Variants in TMEM87A observed in about 807,000 individuals in gnomAD.
The protein encoded by TMEM87A is transmembrane protein 87A, also known as Golgi-pH regulating cation channel.
TMEM87A carries 50 observed loss-of-function variants against 90.0 expected under a neutral mutation model. That is an observed-to-expected ratio of 0.56 (90% CI 0.44 to 0.70). The LOEUF (loss-of-function observed/expected upper bound fraction) is 0.70. Ranked by LOEUF, TMEM87A falls within the 30% of genes least tolerant of loss-of-function variation. The pLI is 0.00. For missense variants in TMEM87A, 577 were observed against 660.5 expected, an observed-to-expected ratio of 0.87 and a Z score of 1.39; for synonymous variants, 226 against 226.7, an observed-to-expected ratio of 1.00 and a Z score of 0.03.
In TMEM87A at chr15:42,264,112, C is replaced by A; in HGVS notation, c.383G>T (p.Cys128Phe). Reference sequence around the variant, plus strand: ...TACCTGTGTTTTAAAGAGTTCACTGCAGTTCTGGAACAATTTTGATGATGT... The same window carrying A: ...TACCTGTGTTTTAAAGAGTTCACTGAAGTTCTGGAACAATTTTGATGATGT... Reference protein sequence around the residue: ...YQTSSKLFQNCSELFKTQTFS... With the variant: ...YQTSSKLFQNFSELFKTQTFS... The change falls in exon 4 of 20, where the codon TGC (cysteine) becomes TTC (phenylalanine). Residue 128 changes from cysteine to phenylalanine, a missense_variant. Coordinates refer to ENST00000389834, the MANE Select transcript of TMEM87A (RefSeq NM_015497.5). 6.2e-7 allele frequency: 1 copy of A among 1,613,142 alleles called. No homozygotes were observed. Among genetic ancestry groups the A allele is most frequent in the Non-Finnish European group, 8.5e-7 (1 of 1,179,552 alleles).
chr15:42,218,478 G>C, intron 17 of TMEM87A, 100 bp from the exon 18 acceptor site: 2 of 1,114,150 alleles, frequency 1.8e-6, no homozygotes, highest in Non-Finnish European at 2.6e-6. Flanking sequence ...TAATTCTGTA[G>C]TCATACATTC....
intron 4 of TMEM87A, among the ~76,000 whole-genome samples, chr15:42,263,837 T>C (rs574545671): frequency 6.6e-6 from 1 of 152,320 alleles, no homozygotes; most frequent in East Asian, 1.9e-4. Context: ...TAGAAATGGT[T>C]AAAATGGTAA....
chr15:42,269,803 GC>G (rs879460838), intron 2 of TMEM87A, among the ~76,000 whole-genome samples: 2 of 147,518 alleles, frequency 1.4e-5, no homozygotes, highest in Non-Finnish European at 3.0e-5. Context: ...GGGCGCGGTG[GC>G]GGGCGCCTGT....
At chr15:42,229,459 A>G (rs1397372067) in intron 12 of TMEM87A, among the ~76,000 whole-genome samples, 1 of 152,070 alleles carries the variant, frequency 6.6e-6, no homozygotes, top group East Asian at 1.9e-4. Flanking sequence ...GAGAAATGGC[A>G]GAAGATAAAG....
At chr15:42,254,974 T>C (rs1384004232) in intron 6 of TMEM87A, among the ~76,000 whole-genome samples, 2 of 151,588 alleles carry the variant, frequency 1.3e-5, no homozygotes, top group African/African-American at 4.8e-5. Context: ...CTTTTTTTTT[T>C]TTTTTTTTGA....
chr15:42,269,753 G>C (rs1034817492), intron 2 of TMEM87A, among the ~76,000 whole-genome samples: 3 of 150,222 alleles, frequency 2.0e-5, no homozygotes, highest in Non-Finnish European at 3.0e-5. Context: ...TGGCTAACAA[G>C]GTGAAACCCC....
intron 7 of TMEM87A, among the ~76,000 whole-genome samples, chr15:42,240,815 A>G (rs2050854330): frequency 6.6e-6 from 1 of 152,248 alleles, no homozygotes; most frequent in African/African-American, 2.4e-5. Flanking sequence ...TGAAAAAAAG[A>G]GCATTCCATA....
At chr15:42,227,849 T>C (rs550001050) in intron 13 of TMEM87A, 80 bp from the exon 14 acceptor site, 1 of 1,316,766 alleles carries the variant, frequency 7.6e-7, no homozygotes, top group East Asian at 2.3e-5. Flanking sequence ...TCCGGTTAAG[T>C]GGAATCCCAC....
At chr15:42,237,361 G>T in intron 9 of TMEM87A, 71 bp downstream of exon 9, 1 of 1,493,188 alleles carries the variant, frequency 6.7e-7, no homozygotes, top group South Asian at 1.2e-5. Flanking sequence ...AGTGACTGCT[G>T]ACCTTAGGAA....
intron 6 of TMEM87A, among the ~76,000 whole-genome samples, chr15:42,248,257 A>G: frequency 6.6e-6 from 1 of 152,096 alleles, no homozygotes. Flanking sequence ...CTCTTTTCCT[A>G]ATTGAATACA....
intron 11 of TMEM87A, 70 bp from the exon 12 acceptor site, chr15:42,231,330 G>A: frequency 7.7e-7 from 1 of 1,290,640 alleles, no homozygotes; most frequent in South Asian, 1.5e-5. Flanking sequence ...ACCACCACAT[G>A]ATTCTGCATT....
intron 6 of TMEM87A, among the ~76,000 whole-genome samples, chr15:42,251,257 C>T (rs2051079698): frequency 6.6e-6 from 1 of 152,210 alleles, no homozygotes; most frequent in Non-Finnish European, 1.5e-5. Flanking sequence ...TCGTCAAATT[C>T]ATTATCTGTC....
At chr15:42,266,774 TAAA>T (rs2051415512) in intron 3 of TMEM87A, among the ~76,000 whole-genome samples, 2 of 152,218 alleles carry the variant, frequency 1.3e-5, no homozygotes, top group Non-Finnish European at 2.9e-5. Context: ...CCTGACTTTT[TAAA>T]TAATCTAGGT....
chr15:42,268,364 T>C (rs1157191165), intron 2 of TMEM87A, among the ~76,000 whole-genome samples: 2 of 152,226 alleles, frequency 1.3e-5, no homozygotes, highest in Non-Finnish European at 2.9e-5. Context: ...CAGTCTTCTA[T>C]TATTTAAGTA....
intron 4 of TMEM87A, 70 bp downstream of exon 4, chr15:42,264,020 A>C: frequency 8.1e-7 from 1 of 1,239,150 alleles, no homozygotes; most frequent in Non-Finnish European, 1.2e-6. Flanking sequence ...TCGGAAGTGG[A>C]TACAGCCAAA....
intron 6 of TMEM87A, among the ~76,000 whole-genome samples, chr15:42,254,550 G>A (rs1215096320): frequency 1.3e-5 from 2 of 152,166 alleles, no homozygotes; most frequent in Non-Finnish European, 2.9e-5. Context: ...CAAGCCACCA[G>A]AAGACATGGA....
chr15:42,228,522 C>T (rs1185542557), intron 13 of TMEM87A, among the ~76,000 whole-genome samples, 190 bp downstream of exon 13: 1 of 152,190 alleles, frequency 6.6e-6, no homozygotes, highest in Non-Finnish European at 1.5e-5. Context: ...TTTCCAGCTA[C>T]TGTACATAAA....
At chr15:42,258,888 G>A (rs899382017) in intron 6 of TMEM87A, 47 of 1,477,140 alleles carry the variant, frequency 3.2e-5, no homozygotes, top group East Asian at 7.4e-5. Context: ...TAAAAGCAAC[G>A]AAAACACTGG....
intron 17 of TMEM87A, 55 bp downstream of exon 17, chr15:42,219,526 C>G: frequency 7.1e-7 from 1 of 1,400,852 alleles, no homozygotes; most frequent in South Asian, 1.3e-5. Flanking sequence ...AGTAGTTCTA[C>G]TAAGGGTTGG....
Sources: gnomAD v4.1 joint callset for allele counts (sites outside exome capture counted in the v4.1 genomes callset) on GRCh38, gnomAD v4.1.1 for gene constraint, MANE v1.5 for transcripts, NCBI Gene and HGNC (gene_info 2026-07-23, HGNC 2026-07-21) for gene names.